The following TC2N variants were observed in gnomAD, a reference collection of about 807,000 sequenced individuals.
The protein encoded by TC2N is tandem C2 domains, nuclear.
A neutral mutation model predicts 61.9 loss-of-function variants in TC2N; 51 were observed. The observed-to-expected ratio is 0.82, with a 90% CI of 0.66 to 1.04. The LOEUF (loss-of-function observed/expected upper bound fraction) is 1.04. Ranked by LOEUF, TC2N falls within the 50% of genes least tolerant of loss-of-function variation. The pLI is 0.00. For synonymous variants in TC2N, 204 were observed against 192.6 expected (o/e 1.06, Z -0.49); for missense variants, 556 against 566.7 (o/e 0.98, Z 0.19).
chr14:91,809,086 G>C (rs1886652773), intron 3 of TC2N, among the ~76,000 whole-genome samples: 1 of 152,154 alleles, frequency 6.6e-6, no homozygotes. Context: ...TGATAGGCCA[G>C]GCACTAGGTT....
rs558890148 is a variant in TC2N, at chr14:91,781,565, A to G, written c.*1535T>C. 2 of 152,186 alleles carry G rather than the reference A, an allele frequency of 1.3e-5. No homozygotes were observed. Among genetic ancestry groups the G allele is most frequent in the Admixed American group, 1.3e-4 (2 of 15,282 alleles). 9.4% of individuals were successfully genotyped at this position (152,186 alleles called of 1,614,324 possible). A position where few individuals can be genotyped will look rare whatever the true frequency, so the allele number is the denominator to read the frequency against. On this transcript the variant is annotated 3_prime_UTR_variant, in exon 12 of 12. Transcript: ENST00000435962. ...ACAACTGCTCTAAAAAAAAAAGTCTATTTTTAAAAACAATTTTTAAAAGTT... is the reference window on the plus strand; with the variant it reads ...ACAACTGCTCTAAAAAAAAAAGTCTGTTTTTAAAAACAATTTTTAAAAGTT...
At chr14:91,784,753 A>T (rs1299516054) in intron 11 of TC2N, among the ~76,000 whole-genome samples, 1 of 152,096 alleles carries the variant, frequency 6.6e-6, no homozygotes, top group African/African-American at 2.4e-5. Flanking sequence ...TTCAAAACTA[A>T]CTCAGGTAAG....
intron 3 of TC2N, among the ~76,000 whole-genome samples, chr14:91,810,348 G>A (rs564805034): frequency 2.8e-4 from 42 of 152,090 alleles, no homozygotes; most frequent in African/African-American, 9.6e-4. Context: ...CATATCAGGA[G>A]GGAAAGGAGA....
rs111431026 is a variant in TC2N at position 91,812,298 on chromosome 14, A to G, written c.301+14T>C. On this transcript the variant is annotated intron_variant, in intron 3 of 11. Coordinates refer to ENST00000435962, the MANE Select transcript of TC2N (RefSeq NM_001128596.3). ...TACATATCGATTTTTAAATACTGCTATTTTATTGTTTACCTTCAAGTTCTT... is the reference window on the plus strand; with the variant it reads ...TACATATCGATTTTTAAATACTGCTGTTTTATTGTTTACCTTCAAGTTCTT... 1,024 of 1,495,624 alleles carry G rather than the reference A, an allele frequency of 6.8e-4. 3 individuals carry two copies. The African/African-American group carries it at 0.012, about 17-fold the overall frequency. The allele number at this position is 1,495,624 out of a possible 1,614,324, so 92.6% of individuals were successfully genotyped here.
Position 91,815,855 on chromosome 14 carries a change from A to T in TC2N, c.-56-2030T>A, listed in dbSNP as rs1015140411. 2.0e-5 allele frequency among the ~76,000 whole-genome samples: 3 copies of T among 151,826 alleles called. 1 individual carries two copies. In the Middle Eastern group the frequency reaches 0.01, roughly 516 times the overall value. ...CTGAAGGTGAATCATTTCAAGTATTAATACAAACAGTATCTGTAATGAATG... is the reference window on the plus strand; with the variant it reads ...CTGAAGGTGAATCATTTCAAGTATTTATACAAACAGTATCTGTAATGAATG... On this transcript the variant is annotated intron_variant, in intron 1 of 11. Transcript: ENST00000435962.
intron 1 of TC2N, among the ~76,000 whole-genome samples, chr14:91,814,942 TG>T (rs1886943801): frequency 6.6e-6 from 1 of 151,502 alleles, no homozygotes; most frequent in African/African-American, 2.4e-5. Context: ...AACATCACAT[TG>T]TATACAATAA....
At chr14:91,842,688 G>A (rs1420907040) in intron 1 of TC2N, among the ~76,000 whole-genome samples, 1 of 152,198 alleles carries the variant, frequency 6.6e-6, no homozygotes, top group Non-Finnish European at 1.5e-5. Context: ...CCTGATCAGG[G>A]AAATGGAATG....
chr14:91,810,433 C>G (rs1338821091), intron 3 of TC2N, among the ~76,000 whole-genome samples: 1 of 152,004 alleles, frequency 6.6e-6, no homozygotes, highest in Non-Finnish European at 1.5e-5. Flanking sequence ...AAAGAAGGAA[C>G]CTTTTCAGAA....
At chr14:91,827,969 AT>A (rs2139889843) in intron 1 of TC2N, among the ~76,000 whole-genome samples, 1 of 152,276 alleles carries the variant, frequency 6.6e-6, no homozygotes, top group South Asian at 2.1e-4. Flanking sequence ...AAACATTATT[AT>A]TCTTTTGTAA....
At chr14:91,844,542 T>C (rs1888228162) in intron 1 of TC2N, among the ~76,000 whole-genome samples, 1 of 151,090 alleles carries the variant, frequency 6.6e-6, no homozygotes, top group Non-Finnish European at 1.5e-5. Context: ...GGCGGGCAGA[T>C]CATGAGGTTA....
intron 9 of TC2N, among the ~76,000 whole-genome samples, chr14:91,790,150 A>T (rs1428469709): frequency 6.6e-6 from 1 of 152,240 alleles, no homozygotes; most frequent in Non-Finnish European, 1.5e-5. Flanking sequence ...AGGCAGCCGT[A>T]AGATAAATCT....
At chr14:91,850,160 C>T (rs995732221) in intron 1 of TC2N, among the ~76,000 whole-genome samples, 2 of 145,826 alleles carry the variant, frequency 1.4e-5, no homozygotes, top group Non-Finnish European at 3.0e-5. Context: ...GCAAGAGCCT[C>T]CCTGAGCCTC....
At chr14:91,831,154 A>G (rs1887752519) in intron 1 of TC2N, among the ~76,000 whole-genome samples, 1 of 151,656 alleles carries the variant, frequency 6.6e-6, no homozygotes, top group South Asian at 2.1e-4. Flanking sequence ...TATCTTTTGA[A>G]TTGTTTTTTT....
At chr14:91,850,049 CAA>C (rs34245812) in intron 1 of TC2N, among the ~76,000 whole-genome samples, 1,053 of 118,152 alleles carry the variant, frequency 8.9e-3, no homozygotes, top group African/African-American at 0.012. Context: ...AACTCCATCT[CAA>C]AAAAAAAAAA....
At chr14:91,812,966 C>T (rs1198325487) in intron 2 of TC2N, among the ~76,000 whole-genome samples, 1 of 151,790 alleles carries the variant, frequency 6.6e-6, no homozygotes, top group African/African-American at 2.4e-5. Flanking sequence ...TCTTTAGAAT[C>T]ATATGTGATT....
chr14:91,784,231 A>G (rs1162300707), intron 11 of TC2N, among the ~76,000 whole-genome samples: 2 of 152,122 alleles, frequency 1.3e-5, no homozygotes, highest in African/African-American at 4.8e-5. Flanking sequence ...TCATACCGTT[A>G]AGTTGAGGCT....
chr14:91,866,226 T>G (rs1888699691), intron 1 of TC2N: 1 of 152,176 alleles, frequency 6.6e-6, no homozygotes, highest in Non-Finnish European at 1.5e-5. Flanking sequence ...CAAAAATGCG[T>G]TGAAACCACT....
intron 5 of TC2N, 123 bp downstream of exon 5, chr14:91,800,158 G>T: frequency 2.1e-6 from 1 of 466,360 alleles, no homozygotes; most frequent in Non-Finnish European, 3.8e-6. Flanking sequence ...TTATTCTTCA[G>T]ATATCAGAAC....
chr14:91,790,426 T>C (rs1397845559), intron 9 of TC2N, among the ~76,000 whole-genome samples: 1 of 152,190 alleles, frequency 6.6e-6, no homozygotes, highest in African/African-American at 2.4e-5. Flanking sequence ...CTTTAGCCAA[T>C]AATATGAAAC....
Sources: gnomAD v4.1 joint callset for allele counts (sites outside exome capture counted in the v4.1 genomes callset) on GRCh38, gnomAD v4.1.1 for gene constraint, MANE v1.5 for transcripts, NCBI Gene and HGNC (gene_info 2026-07-23, HGNC 2026-07-21) for gene names.